Variants in MGAT3 observed in about 807,000 individuals in gnomAD.
MGAT3 encodes beta-1,4-mannosyl-glycoprotein 4-beta-N-acetylglucosaminyltransferase, also known as GlcNAc-T III.
MGAT3 carries 9 observed loss-of-function variants against 29.8 expected under a neutral mutation model. That is an observed-to-expected ratio of 0.30 (90% confidence interval 0.18 to 0.53). MGAT3 has a LOEUF of 0.53. Among genes scored for constraint, MGAT3 ranks in the 20% least tolerant of loss-of-function variants. The pLI is 0.96. For missense variants in MGAT3, 557 were observed against 769.5 expected, an observed-to-expected ratio of 0.72 and a Z score of 3.27; for synonymous variants, 397 against 348.9, an observed-to-expected ratio of 1.14 and a Z score of -1.54.
chr22:39,483,930 G>T (rs1929197297), intron 1 of MGAT3, among the ~76,000 whole-genome samples: 1 of 152,206 alleles, frequency 6.6e-6, no homozygotes, highest in African/African-American at 2.4e-5. Flanking sequence ...TTTACTGGAG[G>T]AGGGATATCT....
chr22:39,478,840 C>G (rs985152856), intron 1 of MGAT3, among the ~76,000 whole-genome samples: 1 of 152,212 alleles, frequency 6.6e-6, no homozygotes, highest in African/African-American at 2.4e-5. Context: ...TCCCTCACAG[C>G]CCGTCAGGCT....
At chr22:39,462,945 G>A (rs773294089) in intron 1 of MGAT3, among the ~76,000 whole-genome samples, 1 of 152,076 alleles carries the variant, frequency 6.6e-6, no homozygotes, top group Non-Finnish European at 1.5e-5. Flanking sequence ...ACCTGTGCAC[G>A]TGCCAGGACC....
chr22:39,461,249 A>G (rs1928490274), intron 1 of MGAT3, among the ~76,000 whole-genome samples: 1 of 152,146 alleles, frequency 6.6e-6, no homozygotes, highest in Non-Finnish European at 1.5e-5. Flanking sequence ...ATGAGGAGGA[A>G]AGGATGCAGA....
chr22:39,458,076 A>G (rs2145705359), intron 1 of MGAT3, among the ~76,000 whole-genome samples: 1 of 152,174 alleles, frequency 6.6e-6, no homozygotes, highest in East Asian at 1.9e-4. Flanking sequence ...ACCCCTGGGG[A>G]CCAGGCAGAG....
At chr22:39,479,626 C>T (rs918662452) in intron 1 of MGAT3, among the ~76,000 whole-genome samples, 2 of 152,252 alleles carry the variant, frequency 1.3e-5, no homozygotes, top group Non-Finnish European at 2.9e-5. Flanking sequence ...TCTTCTCTGC[C>T]AGGCTGGGGA....
chr22:39,479,959 A>C (rs1157129772), intron 1 of MGAT3, among the ~76,000 whole-genome samples: 1 of 152,212 alleles, frequency 6.6e-6, no homozygotes, highest in East Asian at 1.9e-4. Flanking sequence ...GGCCGTGCAT[A>C]GTTCTCTCTG....
Position 39,484,128 on chromosome 22 carries a change from G to A in MGAT3, c.-1-3219G>A, listed in dbSNP as rs577851285. Among the ~76,000 whole-genome samples, 3 of 152,290 alleles carry A rather than the reference G, an allele frequency of 2.0e-5. No individual in the cohort carries two copies. The South Asian group carries it at 6.2e-4, about 32-fold the overall frequency. ...GGTCCCTGAAGGCCCCTAGGTCCTGGTTTCCTCCTCTATAAAATGAAAGAG... is the reference window on the plus strand; with the variant it reads ...GGTCCCTGAAGGCCCCTAGGTCCTGATTTCCTCCTCTATAAAATGAAAGAG... On this transcript the variant is annotated intron_variant, in intron 1 of 1. Transcript: ENST00000341184.
At chr22:39,483,845 C>T (rs1337483535) in intron 1 of MGAT3, among the ~76,000 whole-genome samples, 1 of 152,224 alleles carries the variant, frequency 6.6e-6, no homozygotes, top group Non-Finnish European at 1.5e-5. Context: ...GAGGTCAGGC[C>T]CCTACCCCAG....
chr22:39,459,782 G>A (rs1568997898), intron 1 of MGAT3, among the ~76,000 whole-genome samples: 1 of 152,256 alleles, frequency 6.6e-6, no homozygotes, highest in East Asian at 1.9e-4. Context: ...AATGGAATGA[G>A]TTGCAGAGAG....
rs3827380 is a variant in MGAT3 at position 39,491,681 on chromosome 22, A to G, written c.*2732A>G. The G allele has an allele frequency of 0.31, 52,235 of 167,160 alleles. 10,031 individuals carry two copies. The highest frequency in any genetic ancestry group is 0.55 in the African/African-American group (23,012 of 41,468). 10.4% of individuals were successfully genotyped at this position (167,160 alleles called of 1,614,324 possible). On this transcript the variant is annotated 3_prime_UTR_variant, in exon 2 of 2. Transcript: ENST00000341184. The surrounding 1 kb of genome is among the most constrained non-coding windows in gnomAD (Gnocchi z 5.5). ...GTCAGAGGGCTGGGGGCCAGGGCAC[A>G]GGATTGAAGAGTTTCACATATCATC...
intron 1 of MGAT3, among the ~76,000 whole-genome samples, chr22:39,458,698 G>A (rs894228736): frequency 3.9e-5 from 6 of 152,216 alleles, no homozygotes; most frequent in Non-Finnish European, 2.9e-5. Context: ...ACGACAGGAA[G>A]CTGCCAGAGA....
At chr22:39,469,055 G>C (rs1390733734) in intron 1 of MGAT3, among the ~76,000 whole-genome samples, 4 of 151,698 alleles carry the variant, frequency 2.6e-5, no homozygotes, top group South Asian at 2.1e-4. Flanking sequence ...TCCGGTGAGC[G>C]GTAGGCTTGG....
At chr22:39,486,349 T>C (rs1179408081) in intron 1 of MGAT3, 1 of 270,854 alleles carries the variant, frequency 3.7e-6, no homozygotes, top group East Asian at 1.4e-4. Flanking sequence ...TTCACCATGT[T>C]GGCCAGGCTG....
Position 39,491,055 on chromosome 22 carries a change from C to G in MGAT3, c.*2106C>G, listed in dbSNP as rs1412389088. 2 of 167,320 alleles carry G rather than the reference C, an allele frequency of 1.2e-5. No homozygotes were observed. The highest frequency in any genetic ancestry group is 4.8e-5 in the African/African-American group (2 of 41,438). The allele number at this position is 167,320 out of a possible 1,614,324, so 10.4% of individuals were successfully genotyped here. On this transcript the variant is annotated 3_prime_UTR_variant, in exon 2 of 2. Transcript: ENST00000341184. The surrounding 1 kb of genome is among the most constrained non-coding windows in gnomAD (Gnocchi z 5.5). ...CCCAGCCGCATCATCCCACCTGTCC[C>G]CTCCCCCCCACCTCCAGTGGGGCTT... is the stretch of plus-strand genomic sequence containing the variant.
chr22:39,469,910 G>C (rs1268884663), intron 1 of MGAT3, among the ~76,000 whole-genome samples: 2 of 152,254 alleles, frequency 1.3e-5, no homozygotes, highest in Non-Finnish European at 2.9e-5. Context: ...CACAGGGCAG[G>C]GGAGGAGCGC....
chr22:39,484,476 G>A (rs996764619), intron 1 of MGAT3, among the ~76,000 whole-genome samples: 2 of 151,962 alleles, frequency 1.3e-5, no homozygotes, highest in Admixed American at 6.6e-5. Context: ...TGGTTCAAGC[G>A]ATTCTCCTGC....
In MGAT3 at chr22:39,488,908, A is replaced by T; in HGVS notation, c.1561A>T (p.Arg521Trp). 6.2e-7 allele frequency: 1 copy of T among 1,604,030 alleles called. No individual in the cohort carries two copies. The highest frequency in any genetic ancestry group is 1.1e-5 in the South Asian group (1 of 89,774). Residue 521 changes from arginine (R) to tryptophan (W), a missense_variant, in exon 2 of 2, where the codon AGG (arginine) becomes TGG (tryptophan). By Grantham distance (101) the Arg-to-Trp change is moderately radical. Coordinates refer to ENST00000341184, the MANE Select transcript of MGAT3 (RefSeq NM_002409.5). The stretch of plus-strand genomic sequence containing the variant: ...GTGGCGCCACAGGGGTCCCGAGGGA[A>T]GGCCGCCCGCCCGGGGCAAACTGGA... ...GGWRHRGPEG[R>W]PPARGKLDEA...
intron 1 of MGAT3, among the ~76,000 whole-genome samples, chr22:39,473,490 C>T (rs1319706764): frequency 6.6e-6 from 1 of 152,218 alleles, no homozygotes; most frequent in South Asian, 2.1e-4. Context: ...GGGTGGAGCC[C>T]TCACGGCCTA....
intron 1 of MGAT3, among the ~76,000 whole-genome samples, chr22:39,480,321 C>T (rs1055578372): frequency 6.6e-6 from 1 of 152,210 alleles, no homozygotes; most frequent in Non-Finnish European, 1.5e-5. Flanking sequence ...AGCTGCCTGC[C>T]TGGGTCACAG....
Sources: allele counts gnomAD v4.1 joint callset (sites outside exome capture counted in the v4.1 genomes callset), GRCh38; gene constraint gnomAD v4.1.1; non-coding constraint Gnocchi (gnomAD v3.1); transcripts MANE v1.5; gene names NCBI Gene and HGNC (gene_info 2026-07-23, HGNC 2026-07-21).